GALNT14: variants seen among roughly 807,000 people sequenced by gnomAD.
GALNT14 encodes the protein UDP-GalNAc:polypeptide N-acetylgalactosaminyltransferase 14.
In GALNT14, 60 loss-of-function variants were observed where a neutral mutation model predicts 77.5. The observed-to-expected ratio is 0.77, with a 90% CI of 0.63 to 0.96. The LOEUF (loss-of-function observed/expected upper bound fraction) is 0.96. GALNT14 is among the 40% of genes least tolerant of loss of function. The pLI, the probability that GALNT14 is intolerant of heterozygous loss-of-function variation, is 0.00. For missense variants in GALNT14, 710 were observed against 731.0 expected (o/e 0.97, Z 0.33); for synonymous variants, 280 against 281.7 (o/e 0.99, Z 0.06).
At chr2:30,923,129 C>A (rs1665139326) in intron 13 of GALNT14, among the ~76,000 whole-genome samples, 1 of 129,074 alleles carries the variant, frequency 7.7e-6, no homozygotes, top group African/African-American at 3.0e-5. Flanking sequence ...ATGGTGTGAT[C>A]TCGGCTCACT....
chr2:30,944,007 C>A (rs1287228132), intron 8 of GALNT14, among the ~76,000 whole-genome samples: 3 of 152,216 alleles, frequency 2.0e-5, no homozygotes, highest in Admixed American at 6.5e-5. Flanking sequence ...CACAGAGATG[C>A]CTTTGGCTAG....
chr2:30,943,948 C>G (rs1666530876), intron 8 of GALNT14, among the ~76,000 whole-genome samples: 1 of 152,192 alleles, frequency 6.6e-6, no homozygotes, highest in Admixed American at 6.5e-5. Flanking sequence ...TTGACTTCAG[C>G]CAACTCAACA....
intron 1 of GALNT14, among the ~76,000 whole-genome samples, chr2:31,030,262 T>A (rs959529417): frequency 4.6e-5 from 7 of 152,110 alleles, no homozygotes; most frequent in Middle Eastern, 3.2e-3. Context: ...GTAAGAAATG[T>A]CAGCTGTAAT....
intron 2 of GALNT14, among the ~76,000 whole-genome samples, chr2:30,975,010 A>G (rs1320198224): frequency 6.6e-6 from 1 of 152,208 alleles, no homozygotes; most frequent in Non-Finnish European, 1.5e-5. Flanking sequence ...GTAAAAGCTG[A>G]GCAAAGGCCA....
intron 1 of GALNT14, among the ~76,000 whole-genome samples, chr2:31,110,089 C>A (rs1201290543): frequency 6.6e-6 from 1 of 152,176 alleles, no homozygotes; most frequent in African/African-American, 2.4e-5. Context: ...CAAATCCATT[C>A]TTTCCTTGTC....
At chr2:30,993,666 A>G (rs753060639) in intron 1 of GALNT14, among the ~76,000 whole-genome samples, 17 of 152,244 alleles carry the variant, frequency 1.1e-4, no homozygotes, top group Non-Finnish European at 2.5e-4. Context: ...CTCACCGTAC[A>G]TGGATAGAGC....
At chr2:30,892,143 C>G in the GALNT14 span, among the ~76,000 whole-genome samples, 4 of 152,132 alleles carry the variant, frequency 2.6e-5, no homozygotes, top group Non-Finnish European at 5.9e-5. Context: ...GTGTCTTGTT[C>G]TTAGAAATAC....
intron 1 of GALNT14, among the ~76,000 whole-genome samples, chr2:31,129,982 G>T (rs1293840124): frequency 6.6e-6 from 1 of 152,192 alleles, no homozygotes; most frequent in Non-Finnish European, 1.5e-5. Context: ...GAAGAAGACA[G>T]CCGGGGTGGT....
intron 1 of GALNT14, chr2:31,073,191 A>G (rs1350575929): frequency 6.6e-6 from 1 of 152,206 alleles, no homozygotes; most frequent in Non-Finnish European, 1.5e-5. Flanking sequence ...AAATGGGAAT[A>G]TGAAAAGGGA....
chr2:31,104,311 A>G (rs1369549249), intron 1 of GALNT14, among the ~76,000 whole-genome samples: 2 of 152,186 alleles, frequency 1.3e-5, no homozygotes, highest in East Asian at 1.9e-4. Context: ...GTGACATTTT[A>G]TATTTTGCTA....
Position 30,975,911 on chromosome 2 carries a change from A to C in GALNT14, c.300-9609T>G, listed in dbSNP as rs138181507. Among the ~76,000 whole-genome samples the C allele has an allele frequency of 4.6e-5, 7 of 152,348 alleles. No homozygotes were observed. The East Asian group carries it at 1.3e-3, about 29-fold the overall frequency. ...TATTTAAACACCAGAAAAGGCCACA[A>C]TCTCAGAATAATTAACAACTCTTTA... On this transcript the variant is annotated intron_variant, in intron 2 of 14. Coordinates refer to ENST00000349752, the MANE Select transcript of GALNT14 (RefSeq NM_024572.4).
rs180750835 is a variant in GALNT14, at chr2:31,128,520, T to C, written c.129+9438A>G. Among the ~76,000 whole-genome samples the C allele has an allele frequency of 1.4e-3, 215 of 152,334 alleles. 1 individual carries two copies. The highest frequency in any genetic ancestry group is 4.9e-3 in the African/African-American group (204 of 41,570). ...TCCTATAGTTTAAGGACCACATTCATCAAGAAAGGGACTCAAACAGTTTGT... is the reference window on the plus strand; with the variant it reads ...TCCTATAGTTTAAGGACCACATTCACCAAGAAAGGGACTCAAACAGTTTGT... On this transcript the variant is annotated intron_variant, in intron 1 of 14. Transcript: ENST00000349752.
intron 1 of GALNT14, among the ~76,000 whole-genome samples, chr2:31,076,513 A>G (rs1675797415): frequency 6.6e-6 from 1 of 152,142 alleles, no homozygotes; most frequent in Non-Finnish European, 1.5e-5. Context: ...TCCTACAGAA[A>G]TGGCCACTGG....
intron 3 of GALNT14, among the ~76,000 whole-genome samples, chr2:30,958,939 T>C (rs1280508862): frequency 6.6e-6 from 1 of 152,156 alleles, no homozygotes; most frequent in East Asian, 1.9e-4. Context: ...CCAATGCAAA[T>C]AAATAAACTG....
At chr2:31,070,325 G>GTCCCATTGT (rs1489108985) in intron 1 of GALNT14, among the ~76,000 whole-genome samples, 2 of 152,154 alleles carry the variant, frequency 1.3e-5, no homozygotes, top group African/African-American at 2.4e-5. Flanking sequence ...GACCACGTAG[G>GTCCCATTGT]TCCCATTGTT....
At chr2:31,107,949 C>T (rs986487793) in intron 1 of GALNT14, among the ~76,000 whole-genome samples, 1 of 152,174 alleles carries the variant, frequency 6.6e-6, no homozygotes, top group Non-Finnish European at 1.5e-5. Context: ...TCTTACCCCA[C>T]ACCTCAGACT....
Position 31,138,232 on chromosome 2 carries a change from G to T in GALNT14, c.-146C>A. ...CCGGTTGGAGGGGCGGCAGGATCCT[G>T]CAAGGCGCCCTTCCCGCTTCGAAGA... On this transcript the variant is annotated 5_prime_UTR_variant, in exon 1 of 15. Coordinates refer to ENST00000349752, the MANE Select transcript of GALNT14 (RefSeq NM_024572.4). 2.0e-6 allele frequency: 2 copies of T among 983,382 alleles called. No individual in the cohort carries two copies. Among genetic ancestry groups the T allele is most frequent in the Non-Finnish European group, 3.0e-6 (2 of 671,864 alleles). The allele number at this position is 983,382 out of a possible 1,614,324, so 60.9% of individuals were successfully genotyped here. A position where few individuals can be genotyped will look rare whatever the true frequency, so the allele number is the denominator to read the frequency against.
At chr2:30,963,684 T>C (rs572851207) in intron 3 of GALNT14, among the ~76,000 whole-genome samples, 1 of 152,324 alleles carries the variant, frequency 6.6e-6, no homozygotes, top group African/African-American at 2.4e-5. Context: ...TTTATCATCA[T>C]TTTCTACAGA....
intron 9 of GALNT14, among the ~76,000 whole-genome samples, chr2:30,939,118 CA>C (rs990017702): frequency 3.9e-5 from 6 of 152,184 alleles, no homozygotes; most frequent in African/African-American, 1.4e-4. Flanking sequence ...AATGAGAAGT[CA>C]AATGAATGAT....
Sources: gnomAD v4.1 joint callset for allele counts (sites outside exome capture counted in the v4.1 genomes callset) on GRCh38, gnomAD v4.1.1 for gene constraint, MANE v1.5 for transcripts, NCBI Gene and HGNC (gene_info 2026-07-23, HGNC 2026-07-21) for gene names.